The following DTWD2 variants were observed in gnomAD, a reference collection of about 807,000 sequenced individuals.
DTWD2 encodes the protein tRNA-uridine aminocarboxypropyltransferase 2.
DTWD2 carries 39 observed loss-of-function variants against 31.8 expected under a neutral mutation model. That is an observed-to-expected ratio of 1.22 (90% CI 0.95 to 1.60). The LOEUF is 1.60. Among genes scored for constraint, DTWD2 ranks in the 40% most tolerant of loss-of-function variants. The pLI, the probability that DTWD2 is intolerant of heterozygous loss-of-function variation, is 0.00. For missense variants in DTWD2, 515 were observed against 381.5 expected (o/e 1.35, Z -2.92); for synonymous variants, 180 against 142.8 (o/e 1.26, Z -1.86).
chr5:118,906,359 A>C (rs1191214167), intron 4 of DTWD2, among the ~76,000 whole-genome samples: 1 of 152,208 alleles, frequency 6.6e-6, no homozygotes, highest in Non-Finnish European at 1.5e-5. Flanking sequence ...TTATCCATAA[A>C]AAAAGAAAGC....
At chr5:118,881,186 T>C (rs1365445174) in intron 4 of DTWD2, among the ~76,000 whole-genome samples, 1 of 152,224 alleles carries the variant, frequency 6.6e-6, no homozygotes, top group Non-Finnish European at 1.5e-5. Flanking sequence ...GCAAATACAG[T>C]ACTAAAGGTG....
At chr5:118,976,501 A>C (rs530982410) in intron 1 of DTWD2, among the ~76,000 whole-genome samples, 1 of 152,346 alleles carries the variant, frequency 6.6e-6, no homozygotes, top group South Asian at 2.1e-4. Flanking sequence ...AAGATGATAA[A>C]GGGGGTATCA....
In DTWD2 at chr5:118,890,011, T is replaced by C. The variant is rs892982801; in HGVS notation, c.597+38526A>G. On this transcript the variant is annotated intron_variant, in intron 4 of 5. Transcript: ENST00000510708. Reference sequence around the variant, plus strand: ...CCATTTTCTGACAAAAGAAAGTAAATGTCATTATATAAAATATCAATAAAT... The same window carrying C: ...CCATTTTCTGACAAAAGAAAGTAAACGTCATTATATAAAATATCAATAAAT... Among the ~76,000 whole-genome samples the C allele has an allele frequency of 2.1e-4, 32 of 152,256 alleles. 1 individual carries two copies. Among genetic ancestry groups the C allele is most frequent in the African/African-American group, 7.7e-4 (32 of 41,572 alleles).
At chr5:118,918,986 T>C (rs562087696) in intron 4 of DTWD2, among the ~76,000 whole-genome samples, 1 of 152,300 alleles carries the variant, frequency 6.6e-6, no homozygotes, top group East Asian at 1.9e-4. Flanking sequence ...CTTGCCAAAG[T>C]CTCACTCACA....
Position 118,987,797 on chromosome 5 carries a change from T to A in DTWD2, c.218+497A>T, listed in dbSNP as rs952926871. ...TGATAATTTACCATGAAAACTGATT[T>A]TATAAATTACCAGTGGGACGTATGT... On this transcript the variant is annotated intron_variant, in intron 1 of 5. Transcript: ENST00000510708. Among the ~76,000 whole-genome samples, 3 of 152,166 alleles carry A rather than the reference T, an allele frequency of 2.0e-5. No homozygotes were observed. The East Asian group carries it at 5.8e-4, about 29-fold the overall frequency.
chr5:118,843,248 T>G (rs946637247), intron 5 of DTWD2, among the ~76,000 whole-genome samples: 4 of 146,390 alleles, frequency 2.7e-5, no homozygotes, highest in Non-Finnish European at 4.5e-5. Context: ...AGCCACCGCA[T>G]CCGGCCCAGA....
At chr5:118,971,235 G>C (rs996993898) in intron 1 of DTWD2, among the ~76,000 whole-genome samples, 2 of 152,056 alleles carry the variant, frequency 1.3e-5, no homozygotes, top group African/African-American at 2.4e-5. Context: ...ATCTTCAAGA[G>C]ACCCATCTCA....
intron 5 of DTWD2, among the ~76,000 whole-genome samples, chr5:118,841,653 C>T (rs2112665681): frequency 6.6e-6 from 1 of 152,192 alleles, no homozygotes; most frequent in East Asian, 1.9e-4. Context: ...ATTCAAATAC[C>T]TATAGGCCAG....
chr5:118,944,259 T>C (rs1337268856), intron 2 of DTWD2, among the ~76,000 whole-genome samples: 1 of 152,182 alleles, frequency 6.6e-6, no homozygotes, highest in African/African-American at 2.4e-5. Flanking sequence ...AAAGCAATGA[T>C]TTTCTTAGCT....
chr5:118,941,906 G>C (rs1046734077), intron 2 of DTWD2, among the ~76,000 whole-genome samples: 1 of 152,158 alleles, frequency 6.6e-6, no homozygotes, highest in East Asian at 1.9e-4. Flanking sequence ...TTGTGGTTTT[G>C]ATTTGCATTT....
intron 4 of DTWD2, among the ~76,000 whole-genome samples, chr5:118,862,990 C>T (rs942320040): frequency 1.3e-5 from 2 of 152,108 alleles, no homozygotes; most frequent in Non-Finnish European, 2.9e-5. Context: ...AAAAGCTGAT[C>T]CAGAGACCTG....
At chr5:118,985,488 T>TTTTA (rs1554072582) in intron 1 of DTWD2, among the ~76,000 whole-genome samples, 5 of 27,118 alleles carry the variant, frequency 1.8e-4, no homozygotes, top group African/African-American at 3.4e-4. Flanking sequence ...TTATGTGCAT[T>TTTTA]TTTATATATA....
intron 4 of DTWD2, among the ~76,000 whole-genome samples, chr5:118,917,847 C>T (rs936411311): frequency 2.0e-5 from 3 of 152,052 alleles, no homozygotes; most frequent in African/African-American, 4.8e-5. Context: ...TGACTATAAT[C>T]CCAGCTACTC....
chr5:118,954,140 G>A (rs1373680412), intron 1 of DTWD2, among the ~76,000 whole-genome samples: 1 of 152,148 alleles, frequency 6.6e-6, no homozygotes, highest in Non-Finnish European at 1.5e-5. Flanking sequence ...ACACGGTGGT[G>A]CACAGCTGTA....
intron 4 of DTWD2, among the ~76,000 whole-genome samples, chr5:118,885,119 G>T (rs934747663): frequency 3.3e-5 from 5 of 150,122 alleles, no homozygotes; most frequent in African/African-American, 4.9e-5. Context: ...GACCAGCCTC[G>T]GCAACATAGG....
chr5:118,913,497 G>A (rs1753507024), intron 4 of DTWD2, among the ~76,000 whole-genome samples: 1 of 149,188 alleles, frequency 6.7e-6, no homozygotes, highest in African/African-American at 2.4e-5. Flanking sequence ...AGTGAGTATG[G>A]TCTATAGAGT....
At chr5:118,851,781 T>C (rs1260583210) in intron 4 of DTWD2, among the ~76,000 whole-genome samples, 1 of 150,718 alleles carries the variant, frequency 6.6e-6, no homozygotes, top group African/African-American at 2.4e-5. Flanking sequence ...ATGGCACATG[T>C]ATACATATGT....
intron 4 of DTWD2, among the ~76,000 whole-genome samples, chr5:118,857,953 A>G (rs1006958239): frequency 3.9e-5 from 6 of 152,188 alleles, no homozygotes; most frequent in Non-Finnish European, 8.8e-5. Context: ...TTACAGATGT[A>G]TGAAAAGCAA....
intron 4 of DTWD2, among the ~76,000 whole-genome samples, chr5:118,901,582 A>T (rs1017358929): frequency 6.6e-6 from 1 of 152,168 alleles, no homozygotes; most frequent in Non-Finnish European, 1.5e-5. Flanking sequence ...AGTATACCAC[A>T]TGGGCTTAAA....
Sources: allele counts gnomAD v4.1 joint callset (sites outside exome capture counted in the v4.1 genomes callset), GRCh38; gene constraint gnomAD v4.1.1; transcripts MANE v1.5; gene names NCBI Gene and HGNC (gene_info 2026-07-23, HGNC 2026-07-21).